The following KIAA1328 variants were observed in gnomAD, a reference collection of about 807,000 sequenced individuals.
The protein encoded by KIAA1328 is protein hinderin.
A neutral mutation model predicts 68.1 loss-of-function variants in KIAA1328; 52 were observed. The ratio of observed to expected loss-of-function variants is 0.76; its 90% CI spans 0.61 to 0.96. The LOEUF (loss-of-function observed/expected upper bound fraction) is 0.96, where lower values mean the gene tolerates loss of function less well. KIAA1328 is among the 40% of genes least tolerant of loss of function. The probability of loss-of-function intolerance (pLI) is 0.00; values close to 1 mark genes in which losing one functional copy is unlikely to be tolerated. For synonymous variants in KIAA1328, 232 were observed against 239.4 expected, an observed-to-expected ratio of 0.97 and a Z score of 0.28; for missense variants, 641 against 677.6, an observed-to-expected ratio of 0.95 and a Z score of 0.60.
chr18:36,832,990 C>T (rs999450659), intron 1 of KIAA1328: 3 of 151,952 alleles, frequency 2.0e-5, no homozygotes, highest in Non-Finnish European at 2.9e-5. Flanking sequence ...GCACCCGCCA[C>T]CATGCCCGGC....
intron 5 of KIAA1328, among the ~76,000 whole-genome samples, chr18:36,954,928 C>T (rs964674969): frequency 6.6e-6 from 1 of 152,012 alleles, no homozygotes; most frequent in African/African-American, 2.4e-5. Flanking sequence ...AACTCCTGAC[C>T]TCAGGTGATC....
intron 5 of KIAA1328, among the ~76,000 whole-genome samples, chr18:36,913,817 T>C (rs1374752339): frequency 6.6e-6 from 1 of 152,206 alleles, no homozygotes; most frequent in Non-Finnish European, 1.5e-5. Context: ...GTTACTTAAG[T>C]TGACAAATGG....
chr18:37,224,171 T>G lies in KIAA1328; in HGVS notation c.*1944T>G. The G allele has an allele frequency of 1.0e-6, 1 of 985,402 alleles. No individual in the cohort carries two copies. Among genetic ancestry groups the G allele is most frequent in the Non-Finnish European group, 1.2e-6 (1 of 829,932 alleles). 61.0% of individuals were successfully genotyped at this position (985,402 alleles called of 1,614,324 possible). A position where few individuals can be genotyped will look rare whatever the true frequency, so the allele number is the denominator to read the frequency against. ...CTAGCTTAAGTGTACTTGACTCCCA[T>G]AGACTACTCCCATGCCCACAGTCAC... On this transcript the variant is annotated 3_prime_UTR_variant, in exon 10 of 10. Coordinates refer to ENST00000280020, the MANE Select transcript of KIAA1328 (RefSeq NM_020776.3).
At chr18:37,204,955 T>C (rs989831682) in intron 9 of KIAA1328, among the ~76,000 whole-genome samples, 3 of 137,230 alleles carry the variant, frequency 2.2e-5, no homozygotes, top group African/African-American at 9.4e-5. Context: ...TATTTATGGC[T>C]TTTGACCTTG....
intron 7 of KIAA1328, among the ~76,000 whole-genome samples, chr18:37,087,512 T>C (rs2057140132): frequency 6.6e-6 from 1 of 152,224 alleles, no homozygotes; most frequent in South Asian, 2.1e-4. Flanking sequence ...TGCTGAATTG[T>C]GTCTATTTTC....
chr18:37,071,056 CCTTTT>C (rs2056509689), intron 7 of KIAA1328, among the ~76,000 whole-genome samples: 3 of 114,192 alleles, frequency 2.6e-5, no homozygotes, highest in African/African-American at 1.2e-4. Flanking sequence ...TTTTTTTCTT[CCTTTT>C]TTTTTTTTTT....
At chr18:36,837,903 G>A (rs576099214) in intron 3 of KIAA1328, among the ~76,000 whole-genome samples, 3 of 152,168 alleles carry the variant, frequency 2.0e-5, no homozygotes, top group African/African-American at 7.2e-5. Flanking sequence ...AAGTGTAAGG[G>A]TTTATTTTTG....
At chr18:36,900,161 A>G (rs1708692318) in intron 5 of KIAA1328, among the ~76,000 whole-genome samples, 1 of 152,016 alleles carries the variant, frequency 6.6e-6, no homozygotes, top group African/African-American at 2.4e-5. Flanking sequence ...GTTTTTAGAG[A>G]TGCAATTCAA....
chr18:36,853,814 C>G (rs963031844), intron 4 of KIAA1328, among the ~76,000 whole-genome samples: 1 of 152,056 alleles, frequency 6.6e-6, no homozygotes, highest in African/African-American at 2.4e-5. Context: ...CGCCACCAAG[C>G]CCAGCTAATT....
intron 6 of KIAA1328, among the ~76,000 whole-genome samples, chr18:37,025,424 T>C (rs549153443): frequency 1.1e-4 from 16 of 152,300 alleles, no homozygotes; most frequent in African/African-American, 3.8e-4. Flanking sequence ...ATATGCATTC[T>C]TCTCAGCATC....
At chr18:36,903,966 GTTTTA>G (rs2049126667) in intron 5 of KIAA1328, among the ~76,000 whole-genome samples, 1 of 152,080 alleles carries the variant, frequency 6.6e-6, no homozygotes, top group African/African-American at 2.4e-5. Context: ...CAGAATCTGT[GTTTTA>G]ATAAGATCCC....
intron 7 of KIAA1328, among the ~76,000 whole-genome samples, chr18:37,094,515 G>A (rs913829650): frequency 3.9e-4 from 59 of 152,202 alleles, no homozygotes; most frequent in African/African-American, 8.2e-4. Context: ...AGAAGTGAAA[G>A]GTCAGTGTCT....
chr18:36,964,932 A>G (rs2051855866), intron 6 of KIAA1328, among the ~76,000 whole-genome samples: 1 of 150,562 alleles, frequency 6.6e-6, no homozygotes, highest in Non-Finnish European at 1.5e-5. Context: ...CACTTCACTT[A>G]TGATGCTCAT....
chr18:37,020,827 C>T (rs1284198729), intron 6 of KIAA1328, among the ~76,000 whole-genome samples: 1 of 152,182 alleles, frequency 6.6e-6, no homozygotes. Context: ...GTAGGAATGA[C>T]TGAGTTGGCT....
intron 7 of KIAA1328, among the ~76,000 whole-genome samples, chr18:37,100,065 GC>G (rs1451977419): frequency 1.3e-5 from 2 of 152,068 alleles, no homozygotes; most frequent in African/African-American, 4.8e-5. Flanking sequence ...GGAGCATTTA[GC>G]CCTCCAGTCT....
intron 4 of KIAA1328, among the ~76,000 whole-genome samples, chr18:36,876,029 G>A (rs558691528): frequency 4.6e-5 from 7 of 152,220 alleles, no homozygotes; most frequent in Admixed American, 6.5e-5. Context: ...CTTGATCTTG[G>A]TGGATAAGCT....
downstream of KIAA1328, chr18:37,232,129 A>C (rs1431004942): frequency 1.3e-5 from 2 of 152,230 alleles, no homozygotes; most frequent in Non-Finnish European, 2.9e-5. Flanking sequence ...AATTCATGCT[A>C]TTCAGACTTT....
At chr18:36,998,983 A>G (rs2053493820) in intron 6 of KIAA1328, among the ~76,000 whole-genome samples, 1 of 152,226 alleles carries the variant, frequency 6.6e-6, no homozygotes, top group Non-Finnish European at 1.5e-5. Context: ...CTGATTTTAA[A>G]GAGGCTCAGT....
intron 6 of KIAA1328, among the ~76,000 whole-genome samples, chr18:37,050,891 T>A (rs1046365923): frequency 6.6e-6 from 1 of 152,212 alleles, no homozygotes; most frequent in Admixed American, 6.5e-5. Flanking sequence ...TTCTTTCATT[T>A]CCTTGATGTA....
Sources: gnomAD v4.1 joint callset for allele counts (sites outside exome capture counted in the v4.1 genomes callset) on GRCh38, gnomAD v4.1.1 for gene constraint, MANE v1.5 for transcripts, NCBI Gene and HGNC (gene_info 2026-07-23, HGNC 2026-07-21) for gene names.